The following SLC12A1 variants were observed in gnomAD, a reference collection of about 807,000 sequenced individuals.
SLC12A1 encodes solute carrier family 12 member 1.
In SLC12A1, 89 loss-of-function variants were observed where a neutral mutation model predicts 130.4. That is an observed-to-expected ratio of 0.68 (90% CI 0.58 to 0.81). The LOEUF is 0.81. Among genes scored for constraint, SLC12A1 ranks in the 40% least tolerant of loss-of-function variants. SLC12A1 has a pLI of 0.00. For synonymous variants in SLC12A1, 499 were observed against 460.0 expected (o/e 1.08, Z -1.09); for missense variants, 1,310 against 1,336.4 (o/e 0.98, Z 0.31).
chr15:48,247,551 T>G, intron 13 of SLC12A1, 91 bp downstream of exon 13: 1 of 1,040,550 alleles, frequency 9.6e-7, no homozygotes, highest in Non-Finnish European at 1.4e-6. Context: ...ATTACTCGTT[T>G]TATGTTTAGG....
chr15:48,291,161 G>T (rs1169777143), intron 23 of SLC12A1, among the ~76,000 whole-genome samples: 2 of 151,536 alleles, frequency 1.3e-5, no homozygotes, highest in East Asian at 1.9e-4. Flanking sequence ...TAAACAACTG[G>T]TGAATTTGGG....
chr15:48,237,272 G>T (rs1446269549), intron 9 of SLC12A1: 2 of 479,676 alleles, frequency 4.2e-6, no homozygotes, highest in Non-Finnish European at 3.7e-6. Context: ...GAAAGATGCT[G>T]CTAATGAGAA....
chr15:48,231,602 T>C (rs2041379544), intron 7 of SLC12A1, among the ~76,000 whole-genome samples: 1 of 152,200 alleles, frequency 6.6e-6, no homozygotes, highest in African/African-American at 2.4e-5. Flanking sequence ...AAAATGAGGA[T>C]AATAATATTG....
intron 17 of SLC12A1, among the ~76,000 whole-genome samples, chr15:48,267,249 C>A (rs2041841869): frequency 6.6e-6 from 1 of 152,172 alleles, no homozygotes; most frequent in Non-Finnish European, 1.5e-5. Flanking sequence ...TTATCCTAAG[C>A]CTCTTCAGTC....
intron 5 of SLC12A1, chr15:48,227,108 G>A: frequency 6.4e-7 from 1 of 1,552,238 alleles, no homozygotes; most frequent in African/African-American, 1.4e-5. Flanking sequence ...TGGCCTAAGT[G>A]TGGTAGTAAC....
intron 17 of SLC12A1, among the ~76,000 whole-genome samples, chr15:48,263,088 T>C (rs1401995919): frequency 2.0e-5 from 3 of 152,224 alleles, no homozygotes; most frequent in Admixed American, 6.5e-5. Context: ...ATGGGATCAG[T>C]TGACACTTAC....
chr15:48,295,417 T>C (rs1446716453), intron 24 of SLC12A1, among the ~76,000 whole-genome samples: 4 of 152,178 alleles, frequency 2.6e-5, no homozygotes, highest in African/African-American at 9.7e-5. Context: ...TGCATAGCCA[T>C]CCTTTCTGTC....
Position 48,220,757 on chromosome 15 carries a change from GGT to G in SLC12A1, c.548_549del (p.Val183AlafsTer53). The G allele has an allele frequency of 6.2e-7, 1 of 1,613,944 alleles. No individual in the cohort carries two copies. The highest frequency in any genetic ancestry group is 1.1e-5 in the South Asian group (1 of 91,060). The part of the protein sequence containing the change: ...AGVVKFGWVK[G>X]VLVRCMLNIW... Reference sequence around the variant, plus strand: ...TGTTGTGAAGTTTGGATGGGTGAAAGGTGTGCTGGTGAGAAAGCTCTTCTGTT... The same window carrying G: ...TGTTGTGAAGTTTGGATGGGTGAAAGGTGCTGGTGAGAAAGCTCTTCTGTT... On this transcript the variant is annotated frameshift_variant, in exon 3 of 27. Transcript: ENST00000380993. LOFTEE classifies it high-confidence loss of function.
In SLC12A1 at chr15:48,302,731, T is replaced by G; in HGVS notation, c.3165-19T>G. 6.3e-7 allele frequency: 1 copy of G among 1,581,938 alleles called. No individual in the cohort carries two copies. The highest frequency in any genetic ancestry group is 8.6e-7 in the Non-Finnish European group (1 of 1,164,594). On this transcript the variant is annotated intron_variant, in intron 26 of 26. Transcript: ENST00000380993. Reference sequence around the variant, plus strand: ...GTAATTTTCACTTTCATTTTTAAATTTTTCCTTCATGTCATTAGGAGCCTT... The same window carrying G: ...GTAATTTTCACTTTCATTTTTAAATGTTTCCTTCATGTCATTAGGAGCCTT...
At chr15:48,235,099 C>T (rs745553860) in intron 9 of SLC12A1, 95 bp downstream of exon 9, 208 of 1,263,004 alleles carry the variant, frequency 1.6e-4, no homozygotes, top group Non-Finnish European at 2.2e-4. Flanking sequence ...CCATATTACC[C>T]TACAGATTCA....
chr15:48,288,073 A>T lies in SLC12A1; in HGVS notation c.2660A>T (p.His887Leu). 2 of 1,611,334 alleles carry T rather than the reference A, an allele frequency of 1.2e-6. No homozygotes were observed. The highest frequency in any genetic ancestry group is 1.7e-6 in the Non-Finnish European group (2 of 1,178,728). ...AGCATTAACACAAGCCAGTCGATGC[A>T]TGTGGGAGAGTTCAACCAGAAACTG... is the stretch of plus-strand genomic sequence containing the variant. The part of the protein sequence containing the change: ...DGSINTSQSM[H>L]VGEFNQKLVE... The change falls in exon 22 of 27, where the codon CAT becomes CTT. Residue 887 changes from histidine (H) to leucine (L), a missense_variant. Physicochemically the swap from His to Leu is moderately conservative, Grantham distance 99 (BLOSUM62 -3). Coordinates refer to ENST00000380993, the MANE Select transcript of SLC12A1 (RefSeq NM_000338.3).
At chr15:48,237,762 C>A (rs1462398488) in intron 9 of SLC12A1, among the ~76,000 whole-genome samples, 1 of 152,144 alleles carries the variant, frequency 6.6e-6, no homozygotes, top group Non-Finnish European at 1.5e-5. Context: ...ATATTATCCC[C>A]AAACTAGCTA....
At chr15:48,235,612 C>T (rs1353843722) in intron 9 of SLC12A1, among the ~76,000 whole-genome samples, 1 of 151,854 alleles carries the variant, frequency 6.6e-6, no homozygotes, top group Non-Finnish European at 1.5e-5. Context: ...TTGAGGCCGG[C>T]CTGGGCAACA....
intron 4 of SLC12A1, chr15:48,225,251 T>A (rs1186917087): frequency 1.3e-5 from 2 of 152,210 alleles, no homozygotes; most frequent in Non-Finnish European, 2.9e-5. Context: ...TTTCATTCTT[T>A]CCACTTTACC....
At chr15:48,283,436 T>G (rs1640757963) in intron 20 of SLC12A1, among the ~76,000 whole-genome samples, 1 of 152,234 alleles carries the variant, frequency 6.6e-6, no homozygotes, top group African/African-American at 2.4e-5. Context: ...CTGTCTCAGC[T>G]TTAATACCAT....
chr15:48,262,008 C>G (rs73404543), intron 17 of SLC12A1, among the ~76,000 whole-genome samples: 1,709 of 152,230 alleles, frequency 0.011, 36 homozygotes, highest in African/African-American at 0.04. Flanking sequence ...AGTAAATGCT[C>G]AATTAACTTT....
chr15:48,245,491 G>A (rs2041567040), intron 11 of SLC12A1, among the ~76,000 whole-genome samples: 1 of 152,114 alleles, frequency 6.6e-6, no homozygotes, highest in African/African-American at 2.4e-5. Context: ...TCAATGTTTA[G>A]CTCCCACTTG....
chr15:48,226,747 T>G, intron 5 of SLC12A1, 176 bp downstream of exon 5: 1 of 634,280 alleles, frequency 1.6e-6, no homozygotes, highest in Non-Finnish European at 2.8e-6. Flanking sequence ...CCAGGTCTAC[T>G]CTGGTCTCTT....
chr15:48,293,237 T>G (rs889372464), intron 24 of SLC12A1, among the ~76,000 whole-genome samples: 12 of 152,212 alleles, frequency 7.9e-5, no homozygotes, highest in Admixed American at 5.9e-4. Flanking sequence ...AGTTGTAGGT[T>G]AGATCTTCAC....
Sources: allele counts gnomAD v4.1 joint callset (sites outside exome capture counted in the v4.1 genomes callset), GRCh38; gene constraint gnomAD v4.1.1; transcripts MANE v1.5; gene names NCBI Gene and HGNC (gene_info 2026-07-23, HGNC 2026-07-21).